ASAH2: variants seen among roughly 807,000 people sequenced by gnomAD.
ASAH2 encodes neutral ceramidase.
Under a neutral mutation model 82.9 loss-of-function variants are expected in ASAH2, and 58 were observed. That is an observed-to-expected ratio of 0.70 (90% confidence interval 0.57 to 0.87). The LOEUF (loss-of-function observed/expected upper bound fraction) is 0.87, where lower values mean the gene tolerates loss of function less well. Among genes scored for constraint, ASAH2 ranks in the 40% least tolerant of loss-of-function variants. The pLI is 0.00. For synonymous variants in ASAH2, 276 were observed against 289.7 expected (o/e 0.95, Z 0.48); for missense variants, 779 against 834.0 (o/e 0.93, Z 0.81).
chr10:50,243,095 G>A, intron 4 of ASAH2, 107 bp downstream of exon 4: 1 of 1,311,920 alleles, frequency 7.6e-7, no homozygotes, highest in East Asian at 2.3e-5. Flanking sequence ...GAAGGTAATA[G>A]AATTTCACTG....
intron 7 of ASAH2, 85 bp from the exon 8 acceptor site, chr10:50,218,715 C>A (rs1845673273): frequency 6.7e-7 from 1 of 1,500,030 alleles, no homozygotes; most frequent in Admixed American, 1.7e-5. Context: ...TAAGTTTTCT[C>A]CAGCAGGAAA....
chr10:50,218,372 C>T, intron 8 of ASAH2, 138 bp downstream of exon 8: 3 of 1,233,542 alleles, frequency 2.4e-6, no homozygotes, highest in Non-Finnish European at 3.6e-6. Flanking sequence ...ATGGTAAATG[C>T]TGTCTATTCA....
chr10:50,221,780 G>T (rs1252462459), intron 7 of ASAH2, among the ~76,000 whole-genome samples: 11 of 152,046 alleles, frequency 7.2e-5, no homozygotes, highest in Non-Finnish European at 5.9e-5. Context: ...TGGAATCCTG[G>T]TTCTGTCCCT....
intron 18 of ASAH2, among the ~76,000 whole-genome samples, chr10:50,196,152 G>A (rs879060573): frequency 0.24 from 35,738 of 149,662 alleles, 5,485 homozygotes; most frequent in African/African-American, 0.44. Context: ...CTTGTACACA[G>A]TAAATATATA....
At chr10:50,239,543 T>C (rs1208923950) in intron 4 of ASAH2, among the ~76,000 whole-genome samples, 2 of 152,128 alleles carry the variant, frequency 1.3e-5, no homozygotes, top group African/African-American at 4.8e-5. Flanking sequence ...AGAAAAGCAG[T>C]ATAGTATAGT....
chr10:50,217,874 T>C (rs1271010607), intron 8 of ASAH2, among the ~76,000 whole-genome samples: 1 of 152,124 alleles, frequency 6.6e-6, no homozygotes, highest in Non-Finnish European at 1.5e-5. Context: ...CCTGTAATCA[T>C]AACATTTTGG....
intron 16 of ASAH2, among the ~76,000 whole-genome samples, chr10:50,200,364 C>CTGGCT (rs1389163759): frequency 1.5e-4 from 23 of 151,098 alleles, no homozygotes; most frequent in African/African-American, 4.8e-4. Context: ...TCCTTACCAT[C>CTGGCT]ACCCTCCGCA....
At chr10:50,224,866 T>C (rs1845839292) in intron 7 of ASAH2, among the ~76,000 whole-genome samples, 1 of 152,142 alleles carries the variant, frequency 6.6e-6, no homozygotes, top group South Asian at 2.1e-4. Flanking sequence ...CCCAGACTTT[T>C]ACCTAAAAGG....
intron 7 of ASAH2, among the ~76,000 whole-genome samples, chr10:50,225,567 T>G (rs1355615539): frequency 2.0e-5 from 3 of 152,198 alleles, no homozygotes; most frequent in African/African-American, 7.2e-5. Flanking sequence ...ATTTGACTTT[T>G]TTAAGCCTGT....
intron 2 of ASAH2, among the ~76,000 whole-genome samples, chr10:50,246,316 G>A (rs1189145008): frequency 1.3e-5 from 2 of 151,998 alleles, no homozygotes; most frequent in Non-Finnish European, 2.9e-5. Flanking sequence ...TGCTTCCTGG[G>A]GCTGTTTTGA....
At chr10:50,213,167 G>T in intron 9 of ASAH2, 109 bp from the exon 10 acceptor site, 1 of 1,036,338 alleles carries the variant, frequency 9.6e-7, no homozygotes, top group South Asian at 1.3e-5. Context: ...CCACATTCTT[G>T]CATTTCTTTT....
chr10:50,245,421 C>T lies in ASAH2; in HGVS notation c.161G>A (p.Ser54Asn). 1.9e-6 allele frequency: 3 copies of T among 1,613,626 alleles called. No individual in the cohort carries two copies. The highest frequency in any genetic ancestry group is 1.1e-5 in the South Asian group (1 of 91,042). The change falls in exon 3 of 21, where the codon AGC becomes AAC. Residue 54 changes from serine (S) to asparagine (N), a missense_variant. Transcript: ENST00000682911. Reference sequence around the variant, plus strand: ...TGTGGAGCCCTGGGTGGCTGGAGGGCTTTGGGTGGTTGAAAAAAAATGGCC... The same window carrying T: ...TGTGGAGCCCTGGGTGGCTGGAGGGTTTTGGGTGGTTGAAAAAAAATGGCC... ...LGGHFFSTTQ[S>N]PPATQGSTAA...
At chr10:50,249,079 G>A (rs1325635215) in intron 1 of ASAH2, among the ~76,000 whole-genome samples, 2 of 152,158 alleles carry the variant, frequency 1.3e-5, no homozygotes, top group Admixed American at 1.3e-4. Context: ...AGGCTGGCTG[G>A]GGTTAGGACA....
rs990573882 is a variant in ASAH2, at chr10:50,230,327, T to G, written c.893+2857A>C. ...TCACATCACCTTTCTAGGCCCTTGT[T>G]CCTCTGCTGAAGGTTAAACTAGGTC... On this transcript the variant is annotated intron_variant, in intron 7 of 20. Transcript: ENST00000682911. Among the ~76,000 whole-genome samples, 1,457 of 152,284 alleles carry G rather than the reference T, an allele frequency of 9.6e-3. 20 individuals are homozygous for G. The highest frequency in any genetic ancestry group is 0.055 in the East Asian group (284 of 5,174).
intron 16 of ASAH2, among the ~76,000 whole-genome samples, chr10:50,201,970 ATTTG>A (rs1351533892): frequency 2.0e-5 from 3 of 152,116 alleles, no homozygotes; most frequent in Admixed American, 6.6e-5. Flanking sequence ...TGCTAAAATA[ATTTG>A]TTTGTTTCCT....
intron 16 of ASAH2, among the ~76,000 whole-genome samples, chr10:50,202,563 AG>A (rs1845180008): frequency 6.6e-6 from 1 of 152,218 alleles, no homozygotes; most frequent in East Asian, 1.9e-4. Context: ...GCCACAACCC[AG>A]GCTTGTTACC....
chr10:50,206,298 A>G (rs1408999236), intron 12 of ASAH2, among the ~76,000 whole-genome samples: 1 of 151,934 alleles, frequency 6.6e-6, no homozygotes. Context: ...TTGTTTAATT[A>G]GATCTTCAGT....
intron 8 of ASAH2, among the ~76,000 whole-genome samples, chr10:50,216,576 T>A (rs1479210796): frequency 6.6e-6 from 1 of 152,156 alleles, no homozygotes; most frequent in Non-Finnish European, 1.5e-5. Flanking sequence ...ATAAATATGC[T>A]CTTGGCTTAA....
Position 50,235,907 on chromosome 10 carries a change from A to T in ASAH2, c.668T>A (p.Met223Lys). The T allele has an allele frequency of 6.2e-7, 1 of 1,613,282 alleles. No homozygotes were observed. The highest frequency in any genetic ancestry group is 1.7e-5 in the Admixed American group (1 of 59,938). ...GCCTACCTTCAAGATACCAGTGACC[A>T]TGTGCTGAAAAGTTTGATTGCTAAA... ...EGFSNQTFQH[M>K]VTGILKSIDI... Residue 223 changes from methionine (M) to lysine (K), a missense_variant, in exon 5 of 21, where the codon ATG becomes AAG. Around this residue, in one of 3 missense-constraint regions of ASAH2, gnomAD observed 759 missense variants for 755.2 expected, o/e 1.00. Transcript: ENST00000682911.
Sources: gnomAD v4.1 joint callset for allele counts (sites outside exome capture counted in the v4.1 genomes callset) on GRCh38, gnomAD v4.1.1 for gene constraint, gnomAD v4.1.1 regional missense constraint, MANE v1.5 for transcripts, NCBI Gene and HGNC (gene_info 2026-07-23, HGNC 2026-07-21) for gene names.